The following TMEM223 variants were observed in gnomAD, a reference collection of about 807,000 sequenced individuals.
TMEM223 encodes transmembrane protein 223.
A neutral mutation model predicts 14.1 loss-of-function variants in TMEM223; 14 were observed. That is an observed-to-expected ratio of 0.99 (90% confidence interval 0.66 to 1.55). The LOEUF is 1.55. TMEM223 is among the 40% of genes most tolerant of loss of function. The pLI, the probability that TMEM223 is intolerant of heterozygous loss-of-function variation, is 0.00. For missense variants in TMEM223, 346 were observed against 269.9 expected, an observed-to-expected ratio of 1.28 and a Z score of -1.97; for synonymous variants, 145 against 120.5, an observed-to-expected ratio of 1.20 and a Z score of -1.33.
chr11:62,780,990 C>G (rs1359376717), intron 1 of TMEM223, among the ~76,000 whole-genome samples: 71 of 130,370 alleles, frequency 5.4e-4, no homozygotes, highest in Non-Finnish European at 1.0e-3. Flanking sequence ...AATCTCAGCA[C>G]TTTGGGAGGC....
At chr11:62,784,548 C>T (rs1417134931), downstream of TMEM223, among the ~76,000 whole-genome samples, 1 of 152,042 alleles carries the variant, frequency 6.6e-6, no homozygotes, top group Non-Finnish European at 1.5e-5. Flanking sequence ...CCTCATGATC[C>T]GCCCGCCTTG....
At chr11:62,783,791 C>G (rs1316781542), downstream of TMEM223, among the ~76,000 whole-genome samples, 1 of 151,688 alleles carries the variant, frequency 6.6e-6, no homozygotes, top group African/African-American at 2.4e-5. Context: ...CCTCGGCTTC[C>G]CATAGTGCTG....
At chr11:62,778,037 A>C (rs1275638695) in intron 1 of TMEM223, 1 of 1,614,088 alleles carries the variant, frequency 6.2e-7, no homozygotes, top group Admixed American at 1.7e-5. Context: ...GGGAGGGTGA[A>C]CTCTACTTTC....
chr11:62,787,195 C>T (rs766873447), downstream of TMEM223: 7 of 1,588,880 alleles, frequency 4.4e-6, no homozygotes, highest in Admixed American at 1.7e-5. Context: ...CGGGCCTAGC[C>T]CGGCCTCGCG....
Position 62,791,990 on chromosome 11 carries a change from G to A in TMEM223, c.5C>T (p.Ala2Val), listed in dbSNP as rs1263985774. M[A>V]APWRRWPTGL... ...CGTGGGCCATCGCCTCCAAGGCGCC[G>A]CCATGGCCAGCCGACTTCCGGGGTG... The change falls in exon 1 of 2, where the codon GCG (alanine) becomes GTG (valine). Residue 2 changes from alanine to valine, a missense_variant. Coordinates refer to ENST00000307366, the MANE Select transcript of TMEM223 (RefSeq NM_001080501.3). 3 of 1,527,822 alleles carry A rather than the reference G, an allele frequency of 2.0e-6. No homozygotes were observed. Among genetic ancestry groups the A allele is most frequent in the Non-Finnish European group, 2.6e-6 (3 of 1,132,562 alleles). 94.6% of individuals were successfully genotyped at this position (1,527,822 alleles called of 1,614,324 possible).
downstream of TMEM223, chr11:62,789,165 T>G (rs551447719): frequency 6.2e-7 from 1 of 1,614,170 alleles, no homozygotes; most frequent in East Asian, 2.2e-5. Context: ...TGCCTCCTGC[T>G]TTTGCTCTTC....
chr11:62,787,068 C>G (rs1307175737), downstream of TMEM223: 1 of 1,528,740 alleles, frequency 6.5e-7, no homozygotes, highest in South Asian at 1.2e-5. Context: ...GCGACGTTTT[C>G]CAGAAGAGCC....
At chr11:62,789,636 CT>C (rs764892439), downstream of TMEM223, 57 of 1,550,964 alleles carry the variant, frequency 3.7e-5, no homozygotes, top group African/African-American at 5.5e-5. Flanking sequence ...TGGACACCCC[CT>C]GGAACTGCTC....
At chr11:62,781,245 A>AAAAAAG (rs111979618) in intron 1 of TMEM223, among the ~76,000 whole-genome samples, 4 of 151,066 alleles carry the variant, frequency 2.6e-5, no homozygotes, top group South Asian at 2.1e-4. Context: ...CAAAGAAAAA[A>AAAAAAG]AAAAAAGAAA....
downstream of TMEM223, chr11:62,782,855 G>C (rs753045776): frequency 6.2e-7 from 1 of 1,609,012 alleles, no homozygotes; most frequent in Non-Finnish European, 8.5e-7. Context: ...TCACACAGCC[G>C]TAAGAACTCC....
chr11:62,779,895 A>G (rs910803348), intron 1 of TMEM223, among the ~76,000 whole-genome samples: 5 of 139,520 alleles, frequency 3.6e-5, no homozygotes, highest in Admixed American at 2.2e-4. Flanking sequence ...CAAACTCCTG[A>G]CCTCAGGTGA....
chr11:62,779,569 A>G (rs1590934880), intron 1 of TMEM223, among the ~76,000 whole-genome samples: 2 of 151,910 alleles, frequency 1.3e-5, no homozygotes, highest in Middle Eastern at 3.4e-3. Flanking sequence ...CAGGTGATCC[A>G]CCCGCCTTGG....
At position 62,791,864 on chromosome 11, in the gene TMEM223, A is replaced by C. The variant is rs2084365816; in HGVS notation, c.131T>G (p.Phe44Cys). The part of the protein sequence containing the change: ...VLLFEHDRGR[F>C]FTILGLFCAG... ...GCAGAACAGCCCGAGGATGGTGAAG[A>C]AGCGGCCCCGATCATGCTCAAAGAG... Residue 44 changes from phenylalanine to cysteine, a missense_variant, in exon 1 of 2, where the codon TTC becomes TGC. Physicochemically the swap from Phe to Cys is radical, Grantham distance 205. Transcript: ENST00000307366. The C allele has an allele frequency of 6.3e-7, 1 of 1,592,998 alleles. No homozygotes were observed. Among genetic ancestry groups the C allele is most frequent in the South Asian group, 1.1e-5 (1 of 87,606 alleles).
chr11:62,774,526 T>G, intron 2 of TMEM223: 1 of 452,860 alleles, frequency 2.2e-6, no homozygotes, highest in South Asian at 1.6e-5. Context: ...AATGCCTGGG[T>G]GGGTCATCCT....
downstream of TMEM223, among the ~76,000 whole-genome samples, chr11:62,785,163 CTT>C (rs940559304): frequency 6.8e-6 from 1 of 147,868 alleles, no homozygotes; most frequent in Non-Finnish European, 1.5e-5. Flanking sequence ...TGTCTGTAGA[CTT>C]TTGTAAATTC....
At chr11:62,774,449 C>T (rs1027546572) in intron 2 of TMEM223, 1 of 389,438 alleles carries the variant, frequency 2.6e-6, no homozygotes, top group Non-Finnish European at 5.2e-6. Context: ...CATAGCTGTC[C>T]ATTGGATGTA....
At chr11:62,774,904 AAAAAAAT>A (rs1315829463) in intron 1 of TMEM223, among the ~76,000 whole-genome samples, 4 of 150,748 alleles carry the variant, frequency 2.7e-5, no homozygotes, top group African/African-American at 4.9e-5. Context: ...AAAAAAAAAA[AAAAAAAT>A]TTAGCCATCC....
At chr11:62,787,278 G>A (rs779670910), downstream of TMEM223, 4 of 1,549,660 alleles carry the variant, frequency 2.6e-6, no homozygotes, top group Non-Finnish European at 2.6e-6. Flanking sequence ...CGGACTACTC[G>A]CTGTACTTGC....
chr11:62,772,084 T>C (rs1158156798), exon 3 of TMEM223: 1 of 456,134 alleles, frequency 2.2e-6, no homozygotes, highest in Non-Finnish European at 4.4e-6. Flanking sequence ...TACTTCATGA[T>C]CTTGGAGAAG....
Sources: allele counts gnomAD v4.1 joint callset (sites outside exome capture counted in the v4.1 genomes callset), GRCh38; gene constraint gnomAD v4.1.1; transcripts MANE v1.5; gene names NCBI Gene and HGNC (gene_info 2026-07-23, HGNC 2026-07-21).